Variants in NPEPPS observed in about 807,000 individuals in gnomAD.
NPEPPS encodes the protein puromycin-sensitive aminopeptidase.
In NPEPPS, 14 loss-of-function variants were observed where a neutral mutation model predicts 115.5. That is an observed-to-expected ratio of 0.12 (90% CI 0.08 to 0.19). The LOEUF (loss-of-function observed/expected upper bound fraction) is 0.19, where lower values mean the gene tolerates loss of function less well. Ranked by LOEUF, NPEPPS falls within the 10% of genes least tolerant of loss-of-function variation. The pLI is 1.00. For missense variants in NPEPPS, 523 were observed against 1,110.8 expected (o/e 0.47, Z 7.52); for synonymous variants, 285 against 390.6 (o/e 0.73, Z 3.19).
At chr17:47,573,228 A>G (rs1911307587) in intron 3 of NPEPPS, among the ~76,000 whole-genome samples, 1 of 152,228 alleles carries the variant, frequency 6.6e-6, no homozygotes. Flanking sequence ...CGATAAAGTA[A>G]AACTCCCAGA....
chr17:47,574,346 G>A (rs372534481), intron 3 of NPEPPS, among the ~76,000 whole-genome samples: 2 of 151,876 alleles, frequency 1.3e-5, no homozygotes, highest in East Asian at 1.9e-4. Flanking sequence ...AAATAAAAGC[G>A]TAGATTGAAT....
intron 1 of NPEPPS, among the ~76,000 whole-genome samples, chr17:47,534,927 T>C (rs560875316): frequency 6.6e-6 from 1 of 152,004 alleles, no homozygotes; most frequent in African/African-American, 2.4e-5. Context: ...GTGAAGAAAT[T>C]AGTCCATGTT....
Position 47,552,341 on chromosome 17 carries a change from C to A in NPEPPS, c.340+6348C>A, listed in dbSNP as rs138525826. Among the ~76,000 whole-genome samples, 5 of 152,188 alleles carry A rather than the reference C, an allele frequency of 3.3e-5. No individual in the cohort carries two copies. In the East Asian group the frequency reaches 9.6e-4, roughly 29 times the overall value. ...ATAGATCCATTCTCAAATAAACAAC[C>A]CTTAAGTATCATTAGTTCAAACTGG... is the stretch of plus-strand genomic sequence containing the variant. On this transcript the variant is annotated intron_variant, in intron 2 of 22. Transcript: ENST00000322157.
chr17:47,586,293 T>G lies in NPEPPS; in HGVS notation c.946+49T>G. 2.7e-6 allele frequency: 3 copies of G among 1,127,976 alleles called. No individual in the cohort carries two copies. The Admixed American group carries it at 1.1e-4, about 41-fold the overall frequency. The allele number at this position is 1,127,976 out of a possible 1,614,324, so 69.9% of individuals were successfully genotyped here. A position where few individuals can be genotyped will look rare whatever the true frequency, so the allele number is the denominator to read the frequency against. On this transcript the variant is annotated intron_variant, in intron 7 of 22. Coordinates refer to ENST00000322157, the MANE Select transcript of NPEPPS (RefSeq NM_006310.4). ...CTGAATTGTAATAACTTTTTAAAAT[T>G]TTGTGACTTTTGATGCAAGAGTATA...
chr17:47,546,300 C>G (rs1909211025), intron 2 of NPEPPS, among the ~76,000 whole-genome samples: 1 of 151,936 alleles, frequency 6.6e-6, no homozygotes, highest in African/African-American at 2.4e-5. Flanking sequence ...GTGGTGCGTG[C>G]CTGTAGTCCC....
intron 2 of NPEPPS, among the ~76,000 whole-genome samples, chr17:47,553,851 A>G (rs1431370619): frequency 6.6e-6 from 1 of 151,540 alleles, no homozygotes; most frequent in Non-Finnish European, 1.5e-5. Flanking sequence ...CCCAGGTTCA[A>G]GCGATTCTCC....
intron 14 of NPEPPS, among the ~76,000 whole-genome samples, chr17:47,600,012 G>T (rs374619787): frequency 2.7e-4 from 41 of 152,022 alleles, no homozygotes; most frequent in African/African-American, 9.9e-4. Context: ...TAGAGACAGG[G>T]TTTCACCATG....
intron 1 of NPEPPS, among the ~76,000 whole-genome samples, chr17:47,537,170 AAAGG>A (rs1308621224): frequency 1.3e-5 from 2 of 152,054 alleles, no homozygotes; most frequent in Non-Finnish European, 2.9e-5. Flanking sequence ...AGGAAAAAAA[AAAGG>A]AAGAAATTTT....
At chr17:47,540,836 G>A (rs1189973004) in intron 1 of NPEPPS, among the ~76,000 whole-genome samples, 1 of 152,066 alleles carries the variant, frequency 6.6e-6, no homozygotes, top group African/African-American at 2.4e-5. Flanking sequence ...TTTTAAATAA[G>A]TGCATCTCTA....
At chr17:47,588,315 A>G (rs1912310710) in intron 9 of NPEPPS, among the ~76,000 whole-genome samples, 1 of 152,170 alleles carries the variant, frequency 6.6e-6, no homozygotes, top group Non-Finnish European at 1.5e-5. Context: ...TAATCCCAGC[A>G]CTTTGGGAGG....
intron 4 of NPEPPS, chr17:47,582,534 A>G: frequency 1.7e-6 from 1 of 597,080 alleles, no homozygotes; most frequent in Non-Finnish European, 3.1e-6. Flanking sequence ...CATAGCAGAC[A>G]CTGTTCCTGG....
chr17:47,528,960 A>G (rs1324199829), upstream of NPEPPS, among the ~76,000 whole-genome samples: 1 of 151,966 alleles, frequency 6.6e-6, no homozygotes, highest in Non-Finnish European at 1.5e-5. Flanking sequence ...TATATTGATT[A>G]CATGTTGAAA....
intron 13 of NPEPPS, among the ~76,000 whole-genome samples, chr17:47,599,376 G>A (rs1913053392): frequency 6.6e-6 from 1 of 152,176 alleles, no homozygotes; most frequent in Non-Finnish European, 1.5e-5. Flanking sequence ...GTGATCTTAA[G>A]TCTGTGTTAT....
chr17:47,545,589 C>T (rs539127847), intron 1 of NPEPPS, among the ~76,000 whole-genome samples: 1 of 152,168 alleles, frequency 6.6e-6, no homozygotes. Context: ...TGCTCAGTTG[C>T]CCAGGATGGA....
At chr17:47,524,669 T>C (rs981083268) in intron 1 of NPEPPS, among the ~76,000 whole-genome samples, 3 of 151,084 alleles carry the variant, frequency 2.0e-5, no homozygotes, top group Non-Finnish European at 4.4e-5. Context: ...TAATTTTTTT[T>C]TTTTTTTTGT....
chr17:47,571,703 G>A (rs1368184058), intron 3 of NPEPPS, among the ~76,000 whole-genome samples: 1 of 152,168 alleles, frequency 6.6e-6, no homozygotes, highest in African/African-American at 2.4e-5. Flanking sequence ...GGGCGACAGA[G>A]TGAGACTCCG....
intron 3 of NPEPPS, 139 bp downstream of exon 3, chr17:47,569,633 T>G (rs1169776216): frequency 1.7e-6 from 1 of 585,378 alleles, no homozygotes; most frequent in African/African-American, 1.9e-5. Context: ...TTTTTTTTCC[T>G]TTGAGACGGA....
In NPEPPS at chr17:47,622,041, CAATGA is replaced by C; in HGVS notation, c.*123_*127del. 1 of 1,343,328 alleles carries C rather than the reference CAATGA, an allele frequency of 7.4e-7. No individual in the cohort carries two copies. The highest frequency in any genetic ancestry group is 1.5e-5 in the African/African-American group (1 of 68,480). The allele number at this position is 1,343,328 out of a possible 1,614,324, so 83.2% of individuals were successfully genotyped here. A position where few individuals can be genotyped will look rare whatever the true frequency, so the allele number is the denominator to read the frequency against. On this transcript the variant is annotated 3_prime_UTR_variant, in exon 23 of 23. Transcript: ENST00000322157. ...TTCTTTCAAACCAGTGGGGGTTGGACAATGAATGTAGTTAACTGGTTCCTGCTCAC... is the reference window on the plus strand; with the variant it reads ...TTCTTTCAAACCAGTGGGGGTTGGACATGTAGTTAACTGGTTCCTGCTCAC...
At chr17:47,528,680 G>A (rs1377393683), upstream of NPEPPS, among the ~76,000 whole-genome samples, 1 of 151,626 alleles carries the variant, frequency 6.6e-6, no homozygotes, top group Non-Finnish European at 1.5e-5. Context: ...TGCCCAGGCT[G>A]AAGTGCAGTG....
Sources: gnomAD v4.1 joint callset for allele counts (sites outside exome capture counted in the v4.1 genomes callset) on GRCh38, gnomAD v4.1.1 for gene constraint, MANE v1.5 for transcripts, NCBI Gene and HGNC (gene_info 2026-07-23, HGNC 2026-07-21) for gene names.